Variants in CACHD1 observed in about 807,000 individuals in gnomAD.
CACHD1 encodes VWFA and cache domain-containing protein 1.
CACHD1 carries 71 observed loss-of-function variants against 138.7 expected under a neutral mutation model. That is an observed-to-expected ratio of 0.51 (90% confidence interval 0.42 to 0.62). The LOEUF is 0.62. Among genes scored for constraint, CACHD1 ranks in the 20% least tolerant of loss-of-function variants. CACHD1 has a pLI of 0.00. For missense variants in CACHD1, 1,389 were observed against 1,625.3 expected, an observed-to-expected ratio of 0.85 and a Z score of 2.50; for synonymous variants, 578 against 591.5, an observed-to-expected ratio of 0.98 and a Z score of 0.33.
At position 64,691,433 on chromosome 1, in the gene CACHD1, A is replaced by AC. The variant is rs764948820; in HGVS notation, c.3704dup (p.Gln1236SerfsTer23). The AC allele has an allele frequency of 6.2e-7, 1 of 1,613,364 alleles. No homozygotes were observed. ...CCATGATGAGGACTTAGACCTGGAT[A>AC]CCCCCCCTCAGACTGCTGCCCTACT... On this transcript the variant is annotated frameshift_variant, in exon 27 of 27. Transcript: ENST00000651257. LOFTEE classifies it high-confidence loss of function.
chr1:64,625,997 C>G (rs1648089125), intron 4 of CACHD1, among the ~76,000 whole-genome samples: 1 of 152,100 alleles, frequency 6.6e-6, no homozygotes, highest in African/African-American at 2.4e-5. Context: ...TTCATCAGTC[C>G]CCACATAGGC....
At chr1:64,515,324 G>A (rs1473345824) in intron 1 of CACHD1, among the ~76,000 whole-genome samples, 1 of 152,138 alleles carries the variant, frequency 6.6e-6, no homozygotes. Context: ...TTCAGGTTAT[G>A]ACAAAAACAG....
intron 8 of CACHD1, 88 bp downstream of exon 8, chr1:64,642,057 T>G (rs1250259364): frequency 5.7e-6 from 7 of 1,220,438 alleles, no homozygotes; most frequent in Non-Finnish European, 6.6e-6. Flanking sequence ...ATCATAACAG[T>G]GTGCTTGGAT....
intron 4 of CACHD1, among the ~76,000 whole-genome samples, chr1:64,626,943 A>AT (rs796338000): frequency 2.5e-4 from 37 of 149,914 alleles, no homozygotes; most frequent in African/African-American, 6.4e-4. Flanking sequence ...AGGATTTAGT[A>AT]TTTTTTTTTT....
At chr1:64,557,790 T>C (rs563746492) in intron 2 of CACHD1, among the ~76,000 whole-genome samples, 5 of 150,138 alleles carry the variant, frequency 3.3e-5, no homozygotes, top group Non-Finnish European at 7.4e-5. Context: ...TTTTAAAAAA[T>C]TATTATTATT....
At chr1:64,506,999 C>G (rs768608099) in intron 1 of CACHD1, among the ~76,000 whole-genome samples, 2 of 152,170 alleles carry the variant, frequency 1.3e-5, no homozygotes, top group Non-Finnish European at 1.5e-5. Context: ...GGGATTTCAA[C>G]TTATCTGTAA....
At chr1:64,543,927 C>T (rs1293057510) in intron 1 of CACHD1, among the ~76,000 whole-genome samples, 2 of 129,432 alleles carry the variant, frequency 1.5e-5, no homozygotes, top group African/African-American at 5.4e-5. Context: ...CCATGTGATC[C>T]ACCGGCCTCG....
intron 1 of CACHD1, among the ~76,000 whole-genome samples, chr1:64,514,865 A>C (rs540319451): frequency 6.6e-6 from 1 of 152,324 alleles, no homozygotes; most frequent in South Asian, 2.1e-4. Context: ...TACAGAATCC[A>C]AATTTGTTTT....
At position 64,500,268 on chromosome 1, in the gene CACHD1, T is replaced by C. The variant is rs305566; in HGVS notation, c.198+29326T>C. ...GAGTCTATGGGAGAGCACTTGAGAA[T>C]TCCAGTAGGCAGCATACACATACCT... On this transcript the variant is annotated intron_variant, in intron 1 of 26. Transcript: ENST00000651257. Among the ~76,000 whole-genome samples, 642 of 152,274 alleles carry C rather than the reference T, an allele frequency of 4.2e-3. 2 individuals carry two copies. The highest frequency in any genetic ancestry group is 0.014 in the African/African-American group (599 of 41,562).
In CACHD1 at chr1:64,636,390, A is replaced by T. The variant is rs543925012; in HGVS notation, c.1006+2130A>T. Reference sequence around the variant, plus strand: ...CAGTTTAGCACAATATACATTTGTTATCTCACAGTTTTTGTGGGTCAGGAG... The same window carrying T: ...CAGTTTAGCACAATATACATTTGTTTTCTCACAGTTTTTGTGGGTCAGGAG... On this transcript the variant is annotated intron_variant, in intron 7 of 26. Transcript: ENST00000651257. 3.3e-5 allele frequency among the ~76,000 whole-genome samples: 5 copies of T among 152,344 alleles called. 1 individual carries two copies. In the East Asian group the frequency reaches 9.6e-4, roughly 29 times the overall value.
At chr1:64,535,685 A>T (rs1646627066) in intron 1 of CACHD1, among the ~76,000 whole-genome samples, 1 of 152,154 alleles carries the variant, frequency 6.6e-6, no homozygotes, top group Admixed American at 6.5e-5. Context: ...CATTTCAAGA[A>T]ATTGACAGTA....
chr1:64,618,094 A>G (rs1647776487), intron 4 of CACHD1, among the ~76,000 whole-genome samples: 1 of 149,934 alleles, frequency 6.7e-6, no homozygotes, highest in African/African-American at 2.5e-5. Context: ...AAAAAAAAAA[A>G]GTAACCTGTC....
At chr1:64,566,470 G>A (rs1367324606) in intron 2 of CACHD1, among the ~76,000 whole-genome samples, 3 of 56,376 alleles carry the variant, frequency 5.3e-5, no homozygotes, top group African/African-American at 2.3e-4. Flanking sequence ...TCCACTGTAT[G>A]TTTTCAATTC....
intron 7 of CACHD1, among the ~76,000 whole-genome samples, chr1:64,638,964 G>C (rs904540532): frequency 2.0e-5 from 3 of 152,200 alleles, no homozygotes; most frequent in Admixed American, 6.5e-5. Context: ...CTTACAGAGT[G>C]TATGTCTTAT....
chr1:64,485,120 T>C (rs1275886676), intron 1 of CACHD1, among the ~76,000 whole-genome samples: 1 of 152,242 alleles, frequency 6.6e-6, no homozygotes, highest in Non-Finnish European at 1.5e-5. Context: ...CTTCCCCTCC[T>C]TACCAATACT....
intron 1 of CACHD1, among the ~76,000 whole-genome samples, chr1:64,545,236 A>G (rs1458013346): frequency 6.6e-6 from 1 of 152,254 alleles, no homozygotes; most frequent in African/African-American, 2.4e-5. Flanking sequence ...TTATTGAAGC[A>G]TAGCATACAG....
chr1:64,475,171 C>CTTTTTTTTTT (rs3078373), intron 1 of CACHD1, among the ~76,000 whole-genome samples: 3 of 124,284 alleles, frequency 2.4e-5, no homozygotes, highest in Non-Finnish European at 3.2e-5. Flanking sequence ...AAATTCCTTC[C>CTTTTTTTTTT]TTTTTTTTTT....
intron 1 of CACHD1, among the ~76,000 whole-genome samples, chr1:64,517,401 T>G (rs543488568): frequency 6.6e-6 from 1 of 152,096 alleles, no homozygotes; most frequent in Non-Finnish European, 1.5e-5. Flanking sequence ...CTAGTACTAT[T>G]CAATAAAAAA....
intron 17 of CACHD1, among the ~76,000 whole-genome samples, chr1:64,672,582 A>G (rs1649852051): frequency 6.6e-6 from 1 of 152,178 alleles, no homozygotes; most frequent in African/African-American, 2.4e-5. Flanking sequence ...AGGTAGATAT[A>G]TATAGGGAAA....
Sources: gnomAD v4.1 joint callset for allele counts (sites outside exome capture counted in the v4.1 genomes callset) on GRCh38, gnomAD v4.1.1 for gene constraint, MANE v1.5 for transcripts, NCBI Gene and HGNC (gene_info 2026-07-23, HGNC 2026-07-21) for gene names.